Variants in LAMA2 observed in about 807,000 individuals in gnomAD.
LAMA2 encodes laminin subunit alpha 2, also known as laminin subunit alpha-2.
A neutral mutation model predicts 364.8 loss-of-function variants in LAMA2; 269 were observed. The ratio of observed to expected loss-of-function variants is 0.74; its 90% CI spans 0.67 to 0.82. The LOEUF (loss-of-function observed/expected upper bound fraction) is 0.82. Ranked by LOEUF, LAMA2 falls within the 40% of genes least tolerant of loss-of-function variation. The pLI is 0.00. For missense variants in LAMA2, 3,807 were observed against 3,873.2 expected (o/e 0.98, Z 0.45); for synonymous variants, 1,379 against 1,370.6 (o/e 1.01, Z -0.14).
chr6:129,303,797 T>G (rs1054824642), intron 22 of LAMA2, among the ~76,000 whole-genome samples: 27 of 152,206 alleles, frequency 1.8e-4, no homozygotes, highest in African/African-American at 5.8e-4. Context: ...TAAAATTATG[T>G]TGAATCCTGT....
At chr6:129,199,559 A>T (rs1782051954) in intron 12 of LAMA2, among the ~76,000 whole-genome samples, 1 of 152,164 alleles carries the variant, frequency 6.6e-6, no homozygotes, top group Admixed American at 6.5e-5. Context: ...CTTATAGATG[A>T]TATACTTATC....
intron 1 of LAMA2, among the ~76,000 whole-genome samples, chr6:128,898,938 C>T (rs1455203859): frequency 1.3e-5 from 2 of 152,132 alleles, no homozygotes; most frequent in Non-Finnish European, 2.9e-5. Flanking sequence ...ATGGCTGTCT[C>T]CTTCTCAATA....
chr6:129,108,272 A>AT (rs1317340065), intron 4 of LAMA2, among the ~76,000 whole-genome samples: 1 of 151,832 alleles, frequency 6.6e-6, no homozygotes, highest in African/African-American at 2.4e-5. Context: ...TTTTTTAAAT[A>AT]TTTTTTATTT....
chr6:129,051,165 G>A (rs371637968), intron 2 of LAMA2, among the ~76,000 whole-genome samples: 5 of 145,364 alleles, frequency 3.4e-5, no homozygotes, highest in African/African-American at 1.0e-4. Flanking sequence ...TCTTCTCCTC[G>A]CTTACCTCTC....
At chr6:129,087,465 A>G (rs959626431) in intron 3 of LAMA2, among the ~76,000 whole-genome samples, 3 of 151,986 alleles carry the variant, frequency 2.0e-5, no homozygotes, top group Admixed American at 1.3e-4. Flanking sequence ...TCTTCTGGAC[A>G]CTCCTTCTAT....
chr6:128,982,602 A>ATTATT (rs1017190091), intron 1 of LAMA2, among the ~76,000 whole-genome samples: 35 of 151,368 alleles, frequency 2.3e-4, no homozygotes, highest in Admixed American at 5.9e-4. Context: ...TTGTTTTATT[A>ATTATT]TTATTTTATT....
intron 56 of LAMA2, chr6:129,490,625 GA>G: frequency 6.6e-6 from 1 of 152,302 alleles, no homozygotes; most frequent in Non-Finnish European, 1.5e-5. Flanking sequence ...AGCTAAAGGG[GA>G]AAAAGAGTGT....
chr6:129,439,900 A>G (rs1782021301), intron 42 of LAMA2, among the ~76,000 whole-genome samples: 1 of 150,554 alleles, frequency 6.6e-6, no homozygotes, highest in African/African-American at 2.4e-5. Context: ...CATAGGTAAC[A>G]TTCAGAATAG....
intron 1 of LAMA2, among the ~76,000 whole-genome samples, chr6:128,950,865 G>C (rs1327389003): frequency 6.6e-6 from 1 of 152,004 alleles, no homozygotes; most frequent in Non-Finnish European, 1.5e-5. Context: ...CATGTAAGGT[G>C]CTTAACAGAG....
At chr6:129,463,862 A>G (rs1783393835) in intron 49 of LAMA2, among the ~76,000 whole-genome samples, 1 of 151,996 alleles carries the variant, frequency 6.6e-6, no homozygotes, top group African/African-American at 2.4e-5. Flanking sequence ...GGCCTCCTTA[A>G]TCGTCTGAAT....
intron 7 of LAMA2, among the ~76,000 whole-genome samples, chr6:129,149,915 T>C (rs376581868): frequency 3.3e-5 from 5 of 152,174 alleles, no homozygotes; most frequent in African/African-American, 1.2e-4. Context: ...TGTATGCAAG[T>C]ACTATGCCAC....
At chr6:129,189,394 A>G (rs775160367) in intron 10 of LAMA2, among the ~76,000 whole-genome samples, 7 of 152,044 alleles carry the variant, frequency 4.6e-5, no homozygotes, top group Admixed American at 6.6e-5. Flanking sequence ...CTTTAAATTG[A>G]GAGATTATAT....
intron 9 of LAMA2, among the ~76,000 whole-genome samples, chr6:129,168,561 A>G (rs2114998609): frequency 6.7e-6 from 1 of 150,180 alleles, no homozygotes; most frequent in East Asian, 1.9e-4. Flanking sequence ...TGTTTTGGTT[A>G]CTGTAGACTT....
At chr6:129,287,081 GGGAGGGAAGGAGGGAA>G (rs372195855) in intron 18 of LAMA2, among the ~76,000 whole-genome samples, 1,688 of 5,166 alleles carry the variant, frequency 0.33, 153 homozygotes, top group African/African-American at 0.46. Flanking sequence ...GAAAGAGGGA[GGGAGGGAAGGAGGGAA>G]GGAGGGAGGA....
chr6:129,177,497 T>G (rs1036464400), intron 9 of LAMA2, among the ~76,000 whole-genome samples: 41 of 152,230 alleles, frequency 2.7e-4, no homozygotes, highest in African/African-American at 9.2e-4. Flanking sequence ...ATATTTCTAT[T>G]GACACTTAGA....
At chr6:128,931,452 G>T (rs557026255) in intron 1 of LAMA2, among the ~76,000 whole-genome samples, 1 of 152,234 alleles carries the variant, frequency 6.6e-6, no homozygotes, top group Non-Finnish European at 1.5e-5. Flanking sequence ...TGAAATTAAG[G>T]TTGCATTTTA....
intron 1 of LAMA2, among the ~76,000 whole-genome samples, chr6:128,994,851 C>T (rs967924656): frequency 2.6e-5 from 4 of 151,858 alleles, no homozygotes; most frequent in African/African-American, 9.7e-5. Flanking sequence ...TAACATAACA[C>T]CCTATATACC....
chr6:129,478,628 G>C (rs1021605253), intron 53 of LAMA2, 65 bp from the exon 54 acceptor site: 51 of 1,571,414 alleles, frequency 3.2e-5, no homozygotes, highest in South Asian at 3.1e-4. Context: ...CCTTCCCATA[G>C]TCAGAGACTA....
chr6:128,955,345 T>G (rs1339518687), intron 1 of LAMA2, among the ~76,000 whole-genome samples: 2 of 151,972 alleles, frequency 1.3e-5, no homozygotes, highest in Admixed American at 1.3e-4. Context: ...AGATAGAGGT[T>G]AAGTATCTTT....
Sources: gnomAD v4.1 joint callset for allele counts (sites outside exome capture counted in the v4.1 genomes callset) on GRCh38, gnomAD v4.1.1 for gene constraint, MANE v1.5 for transcripts, NCBI Gene and HGNC (gene_info 2026-07-23, HGNC 2026-07-21) for gene names.